Variants in WDR83OS observed in about 807,000 individuals in gnomAD.
WDR83OS encodes PAT complex subunit Asterix.
Under a neutral mutation model 13.7 loss-of-function variants are expected in WDR83OS, and 15 were observed. That is an observed-to-expected ratio of 1.09 (90% CI 0.73 to 1.69). The LOEUF (loss-of-function observed/expected upper bound fraction) is 1.69. Among genes scored for constraint, WDR83OS ranks in the 40% most tolerant of loss-of-function variants. The probability of loss-of-function intolerance (pLI) is 0.00; values close to 1 mark genes in which losing one functional copy is unlikely to be tolerated. For synonymous variants in WDR83OS, 68 were observed against 52.9 expected, an observed-to-expected ratio of 1.29 and a Z score of -1.24; for missense variants, 145 against 143.2, an observed-to-expected ratio of 1.01 and a Z score of -0.06.
chr19:12,668,312 G>T lies in WDR83OS; in HGVS notation c.*47C>A. The T allele has an allele frequency of 1.9e-6, 3 of 1,573,554 alleles. No individual in the cohort carries two copies. The highest frequency in any genetic ancestry group is 2.6e-6 in the Non-Finnish European group (3 of 1,156,236). On this transcript the variant is annotated 3_prime_UTR_variant, in exon 4 of 4. Coordinates refer to ENST00000596731, the MANE Select transcript of WDR83OS (RefSeq NM_016145.4). ...AGCAGGTTTAGCAGCCAAAGCCCAG[G>T]CCTAGTGGATAGACAGGGTCCAAAA...
intron 1 of WDR83OS, 30 bp from the exon 2 acceptor site, chr19:12,669,263 C>G (rs370178518): frequency 2.5e-6 from 4 of 1,612,048 alleles, no homozygotes; most frequent in Non-Finnish European, 3.4e-6. Flanking sequence ...CAGGGGCGCT[C>G]AGGTCCTGCC....
At position 12,669,407 on chromosome 19, in the gene WDR83OS, G is replaced by C. The variant is rs756200145; in HGVS notation, c.-4C>G. 5 of 1,594,020 alleles carry C rather than the reference G, an allele frequency of 3.1e-6. No individual in the cohort carries two copies. The highest frequency in any genetic ancestry group is 1.8e-5 in the Admixed American group (1 of 56,972). Reference sequence around the variant, plus strand: ...CCGACATATTGTTAGTGGACATAGCGAGTCGAAGGCCAGATCACGCCTCTT... The same window carrying C: ...CCGACATATTGTTAGTGGACATAGCCAGTCGAAGGCCAGATCACGCCTCTT... On this transcript the variant is annotated 5_prime_UTR_variant, in exon 1 of 4. Coordinates refer to ENST00000596731, the MANE Select transcript of WDR83OS (RefSeq NM_016145.4).
At position 12,668,629 on chromosome 19, in the gene WDR83OS, T is replaced by G. The variant is rs540797030; in HGVS notation, c.157-12A>C. ...GCACACCACTTCAGCTAGGGAAAGG[T>G]AAGTGGGTGGGCAGGTTAGTGAAAG... On this transcript the variant is annotated splice_polypyrimidine_tract_variant and intron_variant, in intron 2 of 3. Transcript: ENST00000596731. 2.5e-6 allele frequency: 4 copies of G among 1,612,138 alleles called. No individual in the cohort carries two copies. The South Asian group carries it at 4.4e-5, about 18-fold the overall frequency.
Position 12,668,194 on chromosome 19 carries a change from G to T in WDR83OS, c.*165C>A. 1 of 666,528 alleles carries T rather than the reference G, an allele frequency of 1.5e-6. No homozygotes were observed. Among genetic ancestry groups the T allele is most frequent in the Non-Finnish European group, 2.6e-6 (1 of 390,182 alleles). 41.3% of individuals were successfully genotyped at this position (666,528 alleles called of 1,614,324 possible). A position where few individuals can be genotyped will look rare whatever the true frequency, so the allele number is the denominator to read the frequency against. On this transcript the variant is annotated 3_prime_UTR_variant, in exon 4 of 4. Transcript: ENST00000596731. ...AAGGGAGGCAGGAGGGGTAAGCCTA[G>T]GGTGTTCCCTAGGAAAGGGCCAGGT...
intron 2 of WDR83OS, 52 bp from the exon 3 acceptor site, chr19:12,668,669 C>A (rs1286737130): frequency 6.8e-7 from 1 of 1,481,036 alleles, no homozygotes; most frequent in Non-Finnish European, 9.4e-7. Flanking sequence ...AACAATGAGT[C>A]CCCGAAGCCA....
intron 2 of WDR83OS, 73 bp from the exon 3 acceptor site, chr19:12,668,690 C>T (rs2024325776): frequency 1.6e-6 from 2 of 1,277,616 alleles, no homozygotes; most frequent in Admixed American, 1.9e-5. Context: ...CCTTTCCAGA[C>T]ACCAGATCAT....
chr19:12,668,149 C>T lies in WDR83OS; in HGVS notation c.*210G>A, dbSNP rs1008869020. ...ACCCCTAGAAACATGGACAGCATCT[C>T]CCCCAGCAGCAGGCAGGGGAAGGGA... On this transcript the variant is annotated 3_prime_UTR_variant, in exon 4 of 4. Transcript: ENST00000596731. The T allele has an allele frequency of 6.3e-5, 36 of 569,274 alleles. No homozygotes were observed. Among genetic ancestry groups the T allele is most frequent in the Non-Finnish European group, 1.0e-4 (32 of 316,934 alleles). The allele number at this position is 569,274 out of a possible 1,614,324, so 35.3% of individuals were successfully genotyped here. A position where few individuals can be genotyped will look rare whatever the true frequency, so the allele number is the denominator to read the frequency against.
Position 12,668,152 on chromosome 19 carries a change from C to G in WDR83OS, c.*207G>C. 1.7e-6 allele frequency: 1 copy of G among 572,532 alleles called. No individual in the cohort carries two copies. Among genetic ancestry groups the G allele is most frequent in the Non-Finnish European group, 3.1e-6 (1 of 319,030 alleles). 35.5% of individuals were successfully genotyped at this position (572,532 alleles called of 1,614,324 possible). A position where few individuals can be genotyped will look rare whatever the true frequency, so the allele number is the denominator to read the frequency against. On this transcript the variant is annotated 3_prime_UTR_variant, in exon 4 of 4. Coordinates refer to ENST00000596731, the MANE Select transcript of WDR83OS (RefSeq NM_016145.4). ...CCTAGAAACATGGACAGCATCTCCC[C>G]CAGCAGCAGGCAGGGGAAGGGAGGC...
At chr19:12,668,774 T>A in intron 2 of WDR83OS, 157 bp from the exon 3 acceptor site, 1 of 676,456 alleles carries the variant, frequency 1.5e-6, no homozygotes. Context: ...GCTCATGGCA[T>A]ACTCTAGATA....
Position 12,668,501 on chromosome 19 carries a change from T to C in WDR83OS, c.254+19A>G. 1 of 1,613,832 alleles carries C rather than the reference T, an allele frequency of 6.2e-7. No homozygotes were observed. Among genetic ancestry groups the C allele is most frequent in the Non-Finnish European group, 8.5e-7 (1 of 1,179,782 alleles). On this transcript the variant is annotated intron_variant, in intron 3 of 3. Coordinates refer to ENST00000596731, the MANE Select transcript of WDR83OS (RefSeq NM_016145.4). ...CACCCCTTACTCAAGAGTCACTTGT[T>C]CTGTAGGGCAAGTCTCACATGAAGC...
chr19:12,669,380 G>C lies in WDR83OS; in HGVS notation c.24C>G (p.Asp8Glu). ...TCAGCACTTTGTTCGGCCTCCGTGG[G>C]TCCGACATATTGTTAGTGGACATAG... MSTNNMS[D>E]PRRPNKVLRY... Residue 8 changes from aspartate to glutamate, a missense_variant, in exon 1 of 4, where the codon GAC becomes GAG. Asp to Glu is a conservative substitution (Grantham distance 45). Coordinates refer to ENST00000596731, the MANE Select transcript of WDR83OS (RefSeq NM_016145.4). 6.2e-7 allele frequency: 1 copy of C among 1,601,518 alleles called. No homozygotes were observed. The highest frequency in any genetic ancestry group is 8.5e-7 in the Non-Finnish European group (1 of 1,173,548).
intron 1 of WDR83OS, 43 bp from the exon 2 acceptor site, chr19:12,669,276 C>A: frequency 1.2e-6 from 2 of 1,609,768 alleles, no homozygotes; most frequent in Non-Finnish European, 1.7e-6. Flanking sequence ...GTCCTGCCCC[C>A]GGGATAGACA....
chr19:12,669,030 C>G, intron 2 of WDR83OS, 98 bp downstream of exon 2: 2 of 1,265,036 alleles, frequency 1.6e-6, no homozygotes, highest in Non-Finnish European at 2.3e-6. Context: ...CAGGTCCCGC[C>G]CCATCAGCAA....
intron 2 of WDR83OS, 145 bp downstream of exon 2, chr19:12,668,983 G>C (rs369956598): frequency 1.2e-6 from 1 of 816,832 alleles, no homozygotes; most frequent in Non-Finnish European, 2.0e-6. Context: ...GGGCTTTCTC[G>C]GCCCAGCGTC....
rs2024344023 is a variant in WDR83OS, at chr19:12,669,397, T to TG, written c.6dup (p.Thr3HisfsTer2). 2 of 1,598,090 alleles carry TG rather than the reference T, an allele frequency of 1.3e-6. No individual in the cohort carries two copies. The highest frequency in any genetic ancestry group is 8.5e-7 in the Non-Finnish European group (1 of 1,171,638). ...CTCCGTGGGTCCGACATATTGTTAG[T>TG]GGACATAGCGAGTCGAAGGCCAGAT... On this transcript the variant is annotated frameshift_variant, in exon 1 of 4. Transcript: ENST00000596731. LOFTEE classifies it high-confidence loss of function.
chr19:12,669,388 T>C lies in WDR83OS; in HGVS notation c.16A>G (p.Met6Val), dbSNP rs771802100. Reference sequence around the variant, plus strand: ...TTGTTCGGCCTCCGTGGGTCCGACATATTGTTAGTGGACATAGCGAGTCGA... The same window carrying C: ...TTGTTCGGCCTCCGTGGGTCCGACACATTGTTAGTGGACATAGCGAGTCGA... The part of the protein sequence containing the change: MSTNN[M>V]SDPRRPNKVL... The change falls in exon 1 of 4, where the codon ATG becomes GTG. Residue 6 changes from methionine (M) to valine (V), a missense_variant. Coordinates refer to ENST00000596731, the MANE Select transcript of WDR83OS (RefSeq NM_016145.4). The C allele has an allele frequency of 4.4e-6, 7 of 1,600,544 alleles. No individual in the cohort carries two copies. Among genetic ancestry groups the C allele is most frequent in the Admixed American group, 3.5e-5 (2 of 57,958 alleles).
chr19:12,668,667 G>A, intron 2 of WDR83OS, 50 bp from the exon 3 acceptor site: 1 of 1,500,090 alleles, frequency 6.7e-7, no homozygotes, highest in Non-Finnish European at 9.2e-7. Flanking sequence ...ACAACAATGA[G>A]TCCCCGAAGC....
rs898109998 is a variant in WDR83OS at position 12,668,166 on chromosome 19, G to A, written c.*193C>T. 7 of 586,226 alleles carry A rather than the reference G, an allele frequency of 1.2e-5. No homozygotes were observed. The highest frequency in any genetic ancestry group is 2.1e-5 in the Non-Finnish European group (7 of 328,654). The allele number at this position is 586,226 out of a possible 1,614,324, so 36.3% of individuals were successfully genotyped here. On this transcript the variant is annotated 3_prime_UTR_variant, in exon 4 of 4. Coordinates refer to ENST00000596731, the MANE Select transcript of WDR83OS (RefSeq NM_016145.4). The stretch of plus-strand genomic sequence containing the variant: ...CAGCATCTCCCCCAGCAGCAGGCAG[G>A]GGAAGGGAGGCAGGAGGGGTAAGCC...
Position 12,668,401 on chromosome 19 carries a change from C to T in WDR83OS, c.279G>A (p.Met93Ile). The T allele has an allele frequency of 1.2e-6, 2 of 1,613,664 alleles. No homozygotes were observed. Among genetic ancestry groups the T allele is most frequent in the Non-Finnish European group, 1.7e-6 (2 of 1,179,846 alleles). ...TGGGCTGAGGATTCTGCAGATAGGA[C>T]ATCACCACGGCAGAGATGGACAGCC... ...SFMLSISAVV[M>I]SYLQNPQPMT... Residue 93 changes from methionine (M) to isoleucine (I), a missense_variant, in exon 4 of 4, where the codon ATG becomes ATA. Coordinates refer to ENST00000596731, the MANE Select transcript of WDR83OS (RefSeq NM_016145.4).
Sources: gnomAD v4.1 joint callset for allele counts on GRCh38, gnomAD v4.1.1 for gene constraint, MANE v1.5 for transcripts, NCBI Gene and HGNC (gene_info 2026-07-23, HGNC 2026-07-21) for gene names.